CHRNA9: variants seen among roughly 807,000 people sequenced by gnomAD.
CHRNA9 encodes cholinergic receptor nicotinic alpha 9 subunit.
In CHRNA9, 24 loss-of-function variants were observed where a neutral mutation model predicts 36.8. The ratio of observed to expected loss-of-function variants is 0.65; its 90% CI spans 0.47 to 0.92. The LOEUF (loss-of-function observed/expected upper bound fraction) is 0.92, where lower values mean the gene tolerates loss of function less well. Among genes scored for constraint, CHRNA9 ranks in the 40% least tolerant of loss-of-function variants. The pLI is 0.00. For missense variants in CHRNA9, 610 were observed against 601.2 expected, an observed-to-expected ratio of 1.01 and a Z score of -0.15; for synonymous variants, 231 against 231.8, an observed-to-expected ratio of 1.00 and a Z score of 0.03.
In CHRNA9 at chr4:40,335,564, C is replaced by T. The variant is rs368848276; in HGVS notation, c.64+33C>T. The T allele has an allele frequency of 4.6e-6, 7 of 1,533,616 alleles. No individual in the cohort carries two copies. The African/African-American group carries it at 8.2e-5, about 18-fold the overall frequency. On this transcript the variant is annotated intron_variant, in intron 1 of 4. Coordinates refer to ENST00000310169, the MANE Select transcript of CHRNA9 (RefSeq NM_017581.4). ...GCTGGTGACACGTAACCTATCTTGT[C>T]TCATCTGGGGCTATTGCTTTGGTGG... is the stretch of plus-strand genomic sequence containing the variant.
intron 3 of CHRNA9, among the ~76,000 whole-genome samples, chr4:40,341,973 TCCTGGGCTCAAGCAATCCTCCTG>T (rs1712512424): frequency 1.3e-5 from 2 of 152,180 alleles, no homozygotes. Context: ...GGTCTTGAAT[TCCTGGGCTCAAGCAATCCTCCTG>T]CCTTGGCCTT....
intron 3 of CHRNA9, among the ~76,000 whole-genome samples, chr4:40,339,355 G>C (rs1026712353): frequency 6.7e-6 from 1 of 148,404 alleles, no homozygotes; most frequent in Non-Finnish European, 1.5e-5. Flanking sequence ...ATCTCTTACA[G>C]AATTCTGTAA....
chr4:40,349,513 C>A (rs1712736440), intron 4 of CHRNA9, 99 bp downstream of exon 4: 2 of 1,190,552 alleles, frequency 1.7e-6, no homozygotes, highest in African/African-American at 1.5e-5. Context: ...AAAATGGAGC[C>A]AATTTCGACT....
At chr4:40,351,200 T>C (rs1404124586) in intron 4 of CHRNA9, among the ~76,000 whole-genome samples, 3 of 150,782 alleles carry the variant, frequency 2.0e-5, no homozygotes, top group African/African-American at 7.3e-5. Flanking sequence ...GGCATGGTGG[T>C]GCGTGCCTGT....
chr4:40,347,559 T>TC (rs1218582758), intron 3 of CHRNA9, among the ~76,000 whole-genome samples: 1 of 152,234 alleles, frequency 6.6e-6, no homozygotes, highest in Non-Finnish European at 1.5e-5. Context: ...ATCTTTTTTT[T>TC]CCCTTTTATT....
rs370290456 is a variant in CHRNA9 at position 40,335,853 on chromosome 4, G to A, written c.91G>A (p.Ala31Thr). The A allele has an allele frequency of 3.6e-5, 58 of 1,613,280 alleles. No homozygotes were observed. Among genetic ancestry groups the A allele is most frequent in the East Asian group, 6.7e-5 (3 of 44,894 alleles). The change falls in exon 2 of 5, where the codon GCT (alanine) becomes ACT (threonine). Residue 31 changes from alanine (A) to threonine (T), a missense_variant. Coordinates refer to ENST00000310169, the MANE Select transcript of CHRNA9 (RefSeq NM_017581.4). ...TGCAGAGACGGCAGATGGAAAATATGCTCAGAAGTTGTTTAATGACCTTTT... is the reference window on the plus strand; with the variant it reads ...TGCAGAGACGGCAGATGGAAAATATACTCAGAAGTTGTTTAATGACCTTTT... ...RAAETADGKY[A>T]QKLFNDLFED...
chr4:40,339,370 T>A, intron 3 of CHRNA9, among the ~76,000 whole-genome samples: 1 of 146,198 alleles, frequency 6.8e-6, no homozygotes. Flanking sequence ...CTGTAAGTTC[T>A]TTTTTTTTTA....
intron 3 of CHRNA9, among the ~76,000 whole-genome samples, chr4:40,340,973 C>CAAAAAAAAAAAAA (rs543449903): frequency 3.1e-5 from 2 of 64,966 alleles, no homozygotes; most frequent in African/African-American, 4.4e-5. Flanking sequence ...ATAAGCTCTC[C>CAAAAAAAAAAAAA]AAAAAAAAAA....
At chr4:40,335,767 G>T (rs1214352680) in intron 1 of CHRNA9, 60 bp from the exon 2 acceptor site, 2 of 1,539,448 alleles carry the variant, frequency 1.3e-6, no homozygotes, top group Non-Finnish European at 1.8e-6. Flanking sequence ...GTCTTGTGTT[G>T]TTTGTCTTGA....
chr4:40,353,930 G>A, intron 4 of CHRNA9, 49 bp from the exon 5 acceptor site: 1 of 1,496,440 alleles, frequency 6.7e-7, no homozygotes, highest in Non-Finnish European at 9.1e-7. Context: ...GTGGCTGTAT[G>A]AGGACCATTT....
intron 3 of CHRNA9, among the ~76,000 whole-genome samples, chr4:40,340,361 T>C (rs1197333544): frequency 1.3e-5 from 2 of 152,348 alleles, no homozygotes; most frequent in Non-Finnish European, 2.9e-5. Flanking sequence ...TCCTTCTCAG[T>C]AAAACTTCTC....
At chr4:40,349,437 T>C in intron 4 of CHRNA9, 23 bp downstream of exon 4, 1 of 1,597,550 alleles carries the variant, frequency 6.3e-7, no homozygotes, top group Non-Finnish European at 8.5e-7. Context: ...GTCTTCCACT[T>C]CAAGCCCAGC....
intron 3 of CHRNA9, among the ~76,000 whole-genome samples, chr4:40,343,001 C>T (rs4861306): frequency 0.43 from 65,187 of 151,806 alleles, 16,216 homozygotes; most frequent in East Asian, 0.82. Flanking sequence ...GGAGATGGAA[C>T]GAGGAAGGGA....
intron 4 of CHRNA9, chr4:40,349,645 CATT>C (rs377225491): frequency 1.2e-4 from 61 of 511,002 alleles, no homozygotes; most frequent in Middle Eastern, 1.0e-3. Flanking sequence ...CAATGAAAGA[CATT>C]ATACTTTAGA....
At chr4:40,350,098 G>A (rs1712751562) in intron 4 of CHRNA9, among the ~76,000 whole-genome samples, 1 of 152,188 alleles carries the variant, frequency 6.6e-6, no homozygotes, top group African/African-American at 2.4e-5. Context: ...TTCTTGGGAA[G>A]AGTGGCAAAC....
chr4:40,335,580 G>T (rs1477516940), intron 1 of CHRNA9, 49 bp downstream of exon 1: 1 of 1,441,078 alleles, frequency 6.9e-7, no homozygotes, highest in South Asian at 1.1e-5. Flanking sequence ...TGGGGCTATT[G>T]CTTTGGTGGG....
chr4:40,341,365 G>A (rs1316450064), intron 3 of CHRNA9, among the ~76,000 whole-genome samples: 3 of 151,872 alleles, frequency 2.0e-5, no homozygotes, highest in Non-Finnish European at 1.5e-5. Flanking sequence ...GCTTACTGCA[G>A]CCTTGACCTC....
intron 4 of CHRNA9, 79 bp downstream of exon 4, chr4:40,349,493 T>A: frequency 7.2e-7 from 1 of 1,395,350 alleles, no homozygotes; most frequent in Non-Finnish European, 9.8e-7. Flanking sequence ...TGTGTGCCTT[T>A]AAACTTGAAA....
At chr4:40,340,677 G>A (rs1298898008) in intron 3 of CHRNA9, among the ~76,000 whole-genome samples, 1 of 152,160 alleles carries the variant, frequency 6.6e-6, no homozygotes, top group Non-Finnish European at 1.5e-5. Flanking sequence ...AGTCAGTCCA[G>A]TGTGATAAAG....
Sources: allele counts gnomAD v4.1 joint callset (sites outside exome capture counted in the v4.1 genomes callset), GRCh38; gene constraint gnomAD v4.1.1; transcripts MANE v1.5; gene names NCBI Gene and HGNC (gene_info 2026-07-23, HGNC 2026-07-21).